The following MDGA2 variants were observed in gnomAD, a reference collection of about 807,000 sequenced individuals.
MDGA2 encodes the protein MAM domain containing glycosylphosphatidylinositol anchor 2.
Under a neutral mutation model 117.8 loss-of-function variants are expected in MDGA2, and 40 were observed. The ratio of observed to expected loss-of-function variants is 0.34; its 90% CI spans 0.26 to 0.44. The LOEUF (loss-of-function observed/expected upper bound fraction) is 0.44, where lower values mean the gene tolerates loss of function less well. MDGA2 is among the 20% of genes least tolerant of loss of function. The pLI, the probability that MDGA2 is intolerant of heterozygous loss-of-function variation, is 1.00. For synonymous variants in MDGA2, 452 were observed against 439.0 expected (o/e 1.03, Z -0.37); for missense variants, 1,123 against 1,250.6 (o/e 0.90, Z 1.54).
intron 2 of MDGA2, among the ~76,000 whole-genome samples, chr14:47,286,811 A>ATATG (rs1555370148): frequency 8.5e-6 from 1 of 117,372 alleles, no homozygotes; most frequent in Non-Finnish European, 1.9e-5. Context: ...CATTATATAT[A>ATATG]TATATATATA....
At chr14:47,318,634 T>G (rs1173393361) in intron 1 of MDGA2, among the ~76,000 whole-genome samples, 3 of 152,136 alleles carry the variant, frequency 2.0e-5, no homozygotes, top group African/African-American at 4.8e-5. Context: ...GGCACCTGAT[T>G]TTATTGGCAT....
chr14:47,372,059 A>C (rs1057113644), intron 1 of MDGA2, among the ~76,000 whole-genome samples: 1 of 151,826 alleles, frequency 6.6e-6, no homozygotes, highest in African/African-American at 2.4e-5. Context: ...AAAATGTTGG[A>C]TATTGCATTA....
At chr14:47,352,685 G>C (rs1379569235) in intron 1 of MDGA2, among the ~76,000 whole-genome samples, 2 of 152,190 alleles carry the variant, frequency 1.3e-5, no homozygotes, top group African/African-American at 4.8e-5. Flanking sequence ...TAAACAGATA[G>C]TAATGACTAT....
chr14:47,497,313 G>T (rs1248618403), intron 1 of MDGA2, among the ~76,000 whole-genome samples: 5 of 152,166 alleles, frequency 3.3e-5, no homozygotes, highest in Non-Finnish European at 7.4e-5. Context: ...CTGAAGGGCA[G>T]TGGCCCAATC....
At chr14:47,560,415 T>C (rs1339622580) in intron 1 of MDGA2, among the ~76,000 whole-genome samples, 1 of 152,126 alleles carries the variant, frequency 6.6e-6, no homozygotes, top group Non-Finnish European at 1.5e-5. Flanking sequence ...TGTTGTGAGG[T>C]GGTATCTCAT....
At position 47,057,518 on chromosome 14, in the gene MDGA2, AAAGT is replaced by A. The variant is rs990288071; in HGVS notation, c.1525+3727_1525+3730del. ...GAAACAATTTGCATGTTTAAAGATGAAAGTAAGACAACCTATAATCACATATATC... is the reference window on the plus strand; with the variant it reads ...GAAACAATTTGCATGTTTAAAGATGAAAGACAACCTATAATCACATATATC... On this transcript the variant is annotated intron_variant, in intron 7 of 16. Transcript: ENST00000399232. Among the ~76,000 whole-genome samples the A allele has an allele frequency of 1.6e-4, 25 of 152,242 alleles. 1 individual carries two copies. The highest frequency in any genetic ancestry group is 5.8e-4 in the African/African-American group (24 of 41,552).
chr14:47,328,263 G>C (rs757790022), intron 1 of MDGA2, among the ~76,000 whole-genome samples: 2 of 152,030 alleles, frequency 1.3e-5, no homozygotes, highest in Non-Finnish European at 2.9e-5. Context: ...AATTCCTGAA[G>C]AAACAGAAAG....
At chr14:46,977,503 C>A (rs1886510079) in intron 8 of MDGA2, among the ~76,000 whole-genome samples, 1 of 151,758 alleles carries the variant, frequency 6.6e-6, no homozygotes, top group Non-Finnish European at 1.5e-5. Flanking sequence ...ATTTTTACAT[C>A]CAAATATGAA....
chr14:47,543,143 G>A (rs1594908811), intron 1 of MDGA2, among the ~76,000 whole-genome samples: 3 of 152,114 alleles, frequency 2.0e-5, no homozygotes, highest in East Asian at 3.9e-4. Flanking sequence ...CTGGGAGGTC[G>A]AAGCTGCTGT....
At chr14:47,655,418 A>C (rs529332764) in intron 1 of MDGA2, among the ~76,000 whole-genome samples, 38 of 152,292 alleles carry the variant, frequency 2.5e-4, no homozygotes, top group African/African-American at 8.7e-4. Flanking sequence ...ATCTGAATGT[A>C]TTGGATATTA....
intron 9 of MDGA2, 75 bp from the exon 10 acceptor site, chr14:46,920,235 T>G (rs1884074409): frequency 2.9e-6 from 4 of 1,372,594 alleles, no homozygotes; most frequent in Non-Finnish European, 3.9e-6. Context: ...CTTTGGCCCT[T>G]TTACCATTTC....
intron 1 of MDGA2, among the ~76,000 whole-genome samples, chr14:47,312,470 G>A (rs1015196970): frequency 1.3e-5 from 2 of 152,090 alleles, no homozygotes; most frequent in African/African-American, 4.8e-5. Flanking sequence ...CTTCTAAGAA[G>A]TGTCATTAAT....
At chr14:47,477,097 G>T in intron 1 of MDGA2, among the ~76,000 whole-genome samples, 1 of 152,244 alleles carries the variant, frequency 6.6e-6, no homozygotes, top group East Asian at 1.9e-4. Context: ...AGGAGGTGAA[G>T]GTTGCAGTGA....
intron 1 of MDGA2, among the ~76,000 whole-genome samples, chr14:47,587,975 A>C (rs1594931401): frequency 2.6e-5 from 4 of 151,960 alleles, no homozygotes; most frequent in Admixed American, 2.0e-4. Context: ...GAATTCATAT[A>C]AGAAATGCCA....
chr14:46,845,571 T>C (rs1327669780), intron 16 of MDGA2, among the ~76,000 whole-genome samples, 195 bp downstream of exon 16: 1 of 152,194 alleles, frequency 6.6e-6, no homozygotes. Context: ...TATTTTATCT[T>C]AGGCCAAATA....
rs79202283 is a variant in MDGA2 at position 47,673,603 on chromosome 14, A to T, written c.280+914T>A. ...CTGCTTGTCCCAAGAGAAGACATACATTTTAGTCCACTATTAACTATGACC... is the reference window on the plus strand; with the variant it reads ...CTGCTTGTCCCAAGAGAAGACATACTTTTTAGTCCACTATTAACTATGACC... On this transcript the variant is annotated intron_variant, in intron 1 of 16. Coordinates refer to ENST00000399232, the MANE Select transcript of MDGA2 (RefSeq NM_001113498.3). Among the ~76,000 whole-genome samples, 388 of 149,864 alleles carry T rather than the reference A, an allele frequency of 2.6e-3. 1 individual carries two copies. The highest frequency in any genetic ancestry group is 9.1e-3 in the African/African-American group (369 of 40,620).
intron 13 of MDGA2, 102 bp from the exon 14 acceptor site, chr14:46,873,693 G>T: frequency 3.8e-6 from 4 of 1,062,602 alleles, no homozygotes; most frequent in Non-Finnish European, 5.3e-6. Flanking sequence ...AATAAAGATG[G>T]ATAGGAAGAT....
At chr14:47,072,424 A>C (rs764410640) in intron 6 of MDGA2, among the ~76,000 whole-genome samples, 8 of 152,218 alleles carry the variant, frequency 5.3e-5, no homozygotes, top group Non-Finnish European at 1.0e-4. Context: ...AGACACATCT[A>C]AGAGAAACAA....
chr14:47,472,025 T>C (rs557565644), intron 1 of MDGA2, among the ~76,000 whole-genome samples: 1 of 152,128 alleles, frequency 6.6e-6, no homozygotes, highest in East Asian at 1.9e-4. Context: ...AAAACAATAA[T>C]GTGAACTATG....
Sources: allele counts gnomAD v4.1 joint callset (sites outside exome capture counted in the v4.1 genomes callset), GRCh38; gene constraint gnomAD v4.1.1; transcripts MANE v1.5; gene names NCBI Gene and HGNC (gene_info 2026-07-23, HGNC 2026-07-21).